Variants in SMCO2 observed in about 807,000 individuals in gnomAD.
The protein encoded by SMCO2 is single-pass membrane protein with coiled-coil domains 2.
Under a neutral mutation model 29.5 loss-of-function variants are expected in SMCO2, and 25 were observed. The ratio of observed to expected loss-of-function variants is 0.85; its 90% confidence interval spans 0.62 to 1.18. The LOEUF is 1.18. Ranked by LOEUF, SMCO2 falls within the 50% of genes most tolerant of loss-of-function variation. SMCO2 has a pLI of 0.00. For synonymous variants in SMCO2, 117 were observed against 123.3 expected (o/e 0.95, Z 0.34); for missense variants, 348 against 344.5 (o/e 1.01, Z -0.08).
At chr12:27,425,789 TAG>T in the SMCO2 span, among the ~76,000 whole-genome samples, 1 of 152,196 alleles carries the variant, frequency 6.6e-6, no homozygotes, top group Admixed American at 6.5e-5. Context: ...ACACTAATTC[TAG>T]AGAGTCAACC....
the SMCO2 span, among the ~76,000 whole-genome samples, chr12:27,433,807 T>G: frequency 6.6e-6 from 1 of 152,252 alleles, no homozygotes; most frequent in African/African-American, 2.4e-5. Context: ...AGATACAGTT[T>G]TGGTGAGCAT....
intron 5 of SMCO2, among the ~76,000 whole-genome samples, chr12:27,489,563 T>C (rs1293882891): frequency 6.6e-6 from 1 of 152,156 alleles, no homozygotes; most frequent in African/African-American, 2.4e-5. Flanking sequence ...TGTGAGTAGA[T>C]TTTGGAAGCA....
At chr12:27,465,247 T>C (rs186544603), upstream of SMCO2, among the ~76,000 whole-genome samples, 56 of 152,274 alleles carry the variant, frequency 3.7e-4, no homozygotes, top group Admixed American at 3.2e-3. Flanking sequence ...AGGTAATATA[T>C]GTAAAACACT....
intron 4 of SMCO2, among the ~76,000 whole-genome samples, chr12:27,476,360 A>T (rs1157523446): frequency 1.3e-5 from 2 of 152,150 alleles, no homozygotes; most frequent in African/African-American, 4.8e-5. Context: ...TGTTCTGTAA[A>T]TGTCTGTTAG....
chr12:27,444,021 C>G, the SMCO2 span, among the ~76,000 whole-genome samples: 45 of 152,114 alleles, frequency 3.0e-4, no homozygotes, highest in African/African-American at 1.1e-3. Context: ...CCAAAGCAAT[C>G]CTGAACAAAA....
the SMCO2 span, among the ~76,000 whole-genome samples, chr12:27,457,744 CAA>C: frequency 1.3e-5 from 2 of 152,332 alleles, no homozygotes; most frequent in South Asian, 4.1e-4. Context: ...GATTTCTGTA[CAA>C]AGTCACTGAG....
At chr12:27,472,958 G>T in intron 3 of SMCO2, 83 bp downstream of exon 3, 1 of 974,334 alleles carries the variant, frequency 1.0e-6, no homozygotes, top group Non-Finnish European at 1.5e-6. Flanking sequence ...ATATCTTAAA[G>T]TGGTAAGAAA....
chr12:27,475,680 A>G lies in SMCO2; in HGVS notation c.362+767A>G, dbSNP rs1487789422. On this transcript the variant is annotated intron_variant, in intron 4 of 7. Transcript: ENST00000298876. The stretch of plus-strand genomic sequence containing the variant: ...GCTGATTACATAGACGGAACGGAGA[A>G]AATTGACAATATTATTAAAAAAATA... The G allele has an allele frequency of 1.9e-6, 3 of 1,549,248 alleles. No homozygotes were observed. In the Admixed American group the frequency reaches 5.9e-5, roughly 31 times the overall value.
chr12:27,475,828 G>C lies in SMCO2; in HGVS notation c.362+915G>C, dbSNP rs1041978338. 1.3e-5 allele frequency: 15 copies of C among 1,173,934 alleles called. No individual in the cohort carries two copies. In the African/African-American group the frequency reaches 2.2e-4, roughly 17 times the overall value. The allele number at this position is 1,173,934 out of a possible 1,614,324, so 72.7% of individuals were successfully genotyped here. On this transcript the variant is annotated intron_variant, in intron 4 of 7. Transcript: ENST00000298876. ...TGGGCTTAAGATGATAAAGTCTTTAGGCCATAGGTATACTTTCTTGGATGA... is the reference window on the plus strand; with the variant it reads ...TGGGCTTAAGATGATAAAGTCTTTACGCCATAGGTATACTTTCTTGGATGA...
the SMCO2 span, among the ~76,000 whole-genome samples, chr12:27,447,013 T>C: frequency 6.6e-6 from 1 of 152,186 alleles, no homozygotes; most frequent in Admixed American, 6.5e-5. Flanking sequence ...GATTCTGACA[T>C]GGAGACAGCA....
chr12:27,446,946 TG>T, the SMCO2 span, among the ~76,000 whole-genome samples: 1 of 152,282 alleles, frequency 6.6e-6, no homozygotes, highest in South Asian at 2.1e-4. Flanking sequence ...TTGAATTGTC[TG>T]GGGTCGGGGT....
the SMCO2 span, among the ~76,000 whole-genome samples, chr12:27,441,912 C>T: frequency 6.6e-6 from 1 of 152,108 alleles, no homozygotes; most frequent in Non-Finnish European, 1.5e-5. Context: ...ACAAGAGCAA[C>T]CTTGGAAAAC....
the SMCO2 span, among the ~76,000 whole-genome samples, chr12:27,451,783 T>C: frequency 4.6e-5 from 7 of 152,324 alleles, no homozygotes; most frequent in East Asian, 1.3e-3. Context: ...ATGCAATCTG[T>C]GAATAATGAG....
chr12:27,448,234 G>C, the SMCO2 span, among the ~76,000 whole-genome samples: 1 of 152,132 alleles, frequency 6.6e-6, no homozygotes, highest in African/African-American at 2.4e-5. Context: ...TTGTTAAATT[G>C]AGAATATTAT....
At chr12:27,462,329 C>T (rs1241733853), upstream of SMCO2, among the ~76,000 whole-genome samples, 1 of 152,110 alleles carries the variant, frequency 6.6e-6, no homozygotes, top group Non-Finnish European at 1.5e-5. Flanking sequence ...TCTCTCCCTC[C>T]CCCTTACTCC....
At chr12:27,448,062 C>G in the SMCO2 span, among the ~76,000 whole-genome samples, 1 of 152,198 alleles carries the variant, frequency 6.6e-6, no homozygotes, top group African/African-American at 2.4e-5. Context: ...TGACACATAG[C>G]AGATGCTCAA....
the SMCO2 span, among the ~76,000 whole-genome samples, chr12:27,429,574 T>G: frequency 9.7e-4 from 147 of 152,288 alleles, no homozygotes; most frequent in African/African-American, 3.3e-3. Context: ...TTTATAGTTA[T>G]GTTTCTAAGT....
chr12:27,487,114 G>C (rs371249565), intron 4 of SMCO2, among the ~76,000 whole-genome samples: 1 of 152,180 alleles, frequency 6.6e-6, no homozygotes, highest in East Asian at 1.9e-4. Context: ...ATCTGTATGT[G>C]TATAGTTCCA....
At chr12:27,451,549 G>A in the SMCO2 span, among the ~76,000 whole-genome samples, 1 of 152,168 alleles carries the variant, frequency 6.6e-6, no homozygotes, top group South Asian at 2.1e-4. Context: ...CAACAACAAG[G>A]TTTATCTAAC....
Sources: gnomAD v4.1 joint callset for allele counts (sites outside exome capture counted in the v4.1 genomes callset) on GRCh38, gnomAD v4.1.1 for gene constraint, MANE v1.5 for transcripts, NCBI Gene and HGNC (gene_info 2026-07-23, HGNC 2026-07-21) for gene names.